Variants in HESX1 observed in about 807,000 individuals in gnomAD.
The protein encoded by HESX1 is homeobox expressed in ES cells 1.
In HESX1, 11 loss-of-function variants were observed where a neutral mutation model predicts 22.5. The observed-to-expected ratio is 0.49, with a 90% CI of 0.31 to 0.81. HESX1 has a LOEUF of 0.81. HESX1 is among the 30% of genes least tolerant of loss of function. The pLI is 0.05. For missense variants in HESX1, 201 were observed against 212.6 expected (o/e 0.95, Z 0.34); for synonymous variants, 74 against 76.5 (o/e 0.97, Z 0.17).
chr3:57,220,305 T>C (rs2060608635), intron 1 of HESX1, among the ~76,000 whole-genome samples: 1 of 152,236 alleles, frequency 6.6e-6, no homozygotes, highest in South Asian at 2.1e-4. Flanking sequence ...AACACATTGC[T>C]TTTTGTCCTG....
upstream of HESX1, among the ~76,000 whole-genome samples, chr3:57,202,864 G>C (rs552100454): frequency 6.6e-6 from 1 of 152,304 alleles, no homozygotes; most frequent in East Asian, 1.9e-4. Context: ...CTGAAGCTGA[G>C]CTAGCATGCC....
chr3:57,201,316 C>T (rs2060484441), upstream of HESX1, among the ~76,000 whole-genome samples: 1 of 152,024 alleles, frequency 6.6e-6, no homozygotes, highest in South Asian at 2.1e-4. Context: ...ATGAATAAAC[C>T]GGTGAACATT....
chr3:57,210,628 C>A (rs1338211117), intron 1 of HESX1, among the ~76,000 whole-genome samples: 1 of 152,090 alleles, frequency 6.6e-6, no homozygotes, highest in Non-Finnish European at 1.5e-5. Context: ...TAGAACAATG[C>A]CCAAGTAGAC....
At chr3:57,223,186 A>G (rs77544861) in intron 1 of HESX1, among the ~76,000 whole-genome samples, 72 of 152,326 alleles carry the variant, frequency 4.7e-4, no homozygotes, top group Non-Finnish European at 6.6e-4. Context: ...CAGAGCTACT[A>G]AACAGTGGAG....
At chr3:57,210,626 T>C (rs1216312058) in intron 1 of HESX1, among the ~76,000 whole-genome samples, 1 of 152,218 alleles carries the variant, frequency 6.6e-6, no homozygotes, top group Non-Finnish European at 1.5e-5. Context: ...CCTAGAACAA[T>C]GCCCAAGTAG....
chr3:57,201,860 T>G (rs568898894), upstream of HESX1, among the ~76,000 whole-genome samples: 1 of 114,780 alleles, frequency 8.7e-6, no homozygotes, highest in African/African-American at 2.8e-5. Flanking sequence ...TTTACATATC[T>G]ATATCTATCT....
At chr3:57,204,177 T>A (rs988679778), upstream of HESX1, among the ~76,000 whole-genome samples, 7 of 152,182 alleles carry the variant, frequency 4.6e-5, no homozygotes, top group South Asian at 1.4e-3. Flanking sequence ...TTTTCTTTTC[T>A]TTTTATTTTA....
intron 1 of HESX1, among the ~76,000 whole-genome samples, chr3:57,210,451 G>A (rs1302627007): frequency 3.3e-5 from 5 of 152,190 alleles, no homozygotes. Flanking sequence ...CAATTATTAT[G>A]CTGTGAGCGT....
intron 1 of HESX1, among the ~76,000 whole-genome samples, chr3:57,214,187 A>G (rs1216956716): frequency 1.3e-5 from 2 of 152,214 alleles, no homozygotes; most frequent in East Asian, 1.9e-4. Flanking sequence ...ATATTTTAGG[A>G]AAACAGAAAA....
chr3:57,224,106 C>A (rs1003762398), intron 1 of HESX1, among the ~76,000 whole-genome samples: 5 of 152,110 alleles, frequency 3.3e-5, no homozygotes, highest in Non-Finnish European at 7.4e-5. Flanking sequence ...GATTCTCCTG[C>A]CTCAGCCTCC....
Position 57,198,398 on chromosome 3 carries a change from CTG to C in HESX1, c.450_451del (p.Asp150GlufsTer18), listed in dbSNP as rs587776664. The C allele has an allele frequency of 6.3e-7, 1 of 1,593,242 alleles. No individual in the cohort carries two copies. The highest frequency in any genetic ancestry group is 8.6e-7 in the Non-Finnish European group (1 of 1,161,560). On this transcript the variant is annotated frameshift_variant, in exon 3 of 4. Transcript: ENST00000295934. LOFTEE classifies it high-confidence loss of function. ...ACTAAATTTGAAAATTACCTGGATTCTGTCTTCCTCTAGATTCAATTTTTGAG... is the reference window on the plus strand; with the variant it reads ...ACTAAATTTGAAAATTACCTGGATTCTCTTCCTCTAGATTCAATTTTTGAG...
intron 1 of HESX1, among the ~76,000 whole-genome samples, chr3:57,211,271 T>C (rs945801042): frequency 2.0e-5 from 3 of 150,650 alleles, no homozygotes; most frequent in African/African-American, 7.3e-5. Flanking sequence ...CTCATGCCTA[T>C]AATCCAAGCA....
chr3:57,223,037 G>T (rs368008570), intron 1 of HESX1, among the ~76,000 whole-genome samples: 12 of 152,204 alleles, frequency 7.9e-5, no homozygotes, highest in African/African-American at 2.6e-4. Flanking sequence ...TTTACTGAAT[G>T]CTTATTGCGC....
rs761762608 is a variant in HESX1, at chr3:57,198,780, T to C, written c.330A>G (p.Arg110=). 1 of 1,614,158 alleles carries C rather than the reference T, an allele frequency of 6.2e-7. No homozygotes were observed. Among genetic ancestry groups the C allele is most frequent in the South Asian group, 1.1e-5 (1 of 91,082 alleles). The change falls in exon 2 of 4, where the codon AGA becomes AGG. Residue 110 remains arginine, a synonymous_variant. Transcript: ENST00000295934. ...GGTTTTGAGTAAAAGCAGTTCTTGG[T>C]CTTCGGCCTCTATACCAACTCAACT... ...KRELSWYRGR[R]PRTAFTQNQI...
chr3:57,208,024 G>A (rs1403225869), intron 1 of HESX1, among the ~76,000 whole-genome samples: 2 of 152,108 alleles, frequency 1.3e-5, no homozygotes, highest in Non-Finnish European at 2.9e-5. Flanking sequence ...CTTCTTTTGT[G>A]AAATAATAGT....
chr3:57,201,337 G>A (rs2060484579), upstream of HESX1, among the ~76,000 whole-genome samples: 1 of 152,080 alleles, frequency 6.6e-6, no homozygotes, highest in South Asian at 2.1e-4. Flanking sequence ...TATACCTCAT[G>A]GAGATTTTGT....
chr3:57,220,790 A>G (rs1013013074), intron 1 of HESX1, among the ~76,000 whole-genome samples: 1 of 152,108 alleles, frequency 6.6e-6, no homozygotes, highest in East Asian at 1.9e-4. Flanking sequence ...ACTTGTTTCA[A>G]ATTGCTGCCT....
chr3:57,198,941 T>C lies in HESX1; in HGVS notation c.169A>G (p.Asn57Asp). 3.1e-6 allele frequency: 5 copies of C among 1,614,110 alleles called. No homozygotes were observed. The highest frequency in any genetic ancestry group is 4.2e-6 in the Non-Finnish European group (5 of 1,179,956). Residue 57 changes from asparagine (N) to aspartate (D), a missense_variant, in exon 2 of 4, where the codon AAC becomes GAC. Physicochemically the swap from Asn to Asp is conservative, Grantham distance 23 (BLOSUM62 1). Transcript: ENST00000295934. ...DTCSSSGKDGNLCLHVPNPPS... is the reference protein window; with the variant it reads ...DTCSSSGKDGDLCLHVPNPPS... Reference sequence around the variant, plus strand: ...GGATTTGGGACATGTAGACATAAGTTACCATCTTTCCCTAAAAACAAAAAA... The same window carrying C: ...GGATTTGGGACATGTAGACATAAGTCACCATCTTTCCCTAAAAACAAAAAA...
At chr3:57,219,272 G>A (rs2060601288) in intron 1 of HESX1, among the ~76,000 whole-genome samples, 1 of 152,094 alleles carries the variant, frequency 6.6e-6, no homozygotes, top group Non-Finnish European at 1.5e-5. Context: ...TTTATTTGCA[G>A]TTCTCTAATG....
Sources: allele counts gnomAD v4.1 joint callset (sites outside exome capture counted in the v4.1 genomes callset), GRCh38; gene constraint gnomAD v4.1.1; transcripts MANE v1.5; gene names NCBI Gene and HGNC (gene_info 2026-07-23, HGNC 2026-07-21).